ARHGEF9: variants seen among roughly 807,000 people sequenced by gnomAD.
The protein encoded by ARHGEF9 is rho guanine nucleotide exchange factor 9.
A neutral mutation model predicts 41.3 loss-of-function variants in ARHGEF9; 2 were observed. The observed-to-expected ratio is 0.05, with a 90% confidence interval of 0.02 to 0.15. The LOEUF is 0.15. ARHGEF9 is among the 10% of genes least tolerant of loss of function. The pLI is 1.00. For synonymous variants in ARHGEF9, 160 were observed against 154.4 expected (o/e 1.04, Z -0.27); for missense variants, 225 against 424.7 (o/e 0.53, Z 4.13).
intron 7 of ARHGEF9, among the ~76,000 whole-genome samples, chrX:63,658,626 G>C (rs1467821620): frequency 3.6e-5 from 4 of 111,809 alleles, no homozygotes; most frequent in African/African-American, 9.7e-5. Flanking sequence ...ACCAAATACA[G>C]CCCTGAGCTT....
At chrX:63,644,490 C>T (rs2047861164) in intron 8 of ARHGEF9, among the ~76,000 whole-genome samples, 1 of 110,158 alleles carries the variant, frequency 9.1e-6, no homozygotes, top group African/African-American at 3.3e-5. Context: ...AAAATAGTAA[C>T]AAATAAGTAA....
chrX:63,681,670 G>A (rs1489572808), intron 4 of ARHGEF9, among the ~76,000 whole-genome samples: 1 of 109,388 alleles, frequency 9.1e-6, no homozygotes, highest in Non-Finnish European at 1.9e-5. Flanking sequence ...CCACCTCAAG[G>A]AACTAGAAAA....
intron 1 of ARHGEF9, among the ~76,000 whole-genome samples, chrX:63,753,474 C>T (rs2055774961): frequency 9.0e-6 from 1 of 110,503 alleles, no homozygotes; most frequent in Admixed American, 9.6e-5. Flanking sequence ...CGAGATTATC[C>T]CAAAGGAGCC....
At chrX:63,779,325 C>G (rs1455813423) in intron 1 of ARHGEF9, among the ~76,000 whole-genome samples, 1 of 112,389 alleles carries the variant, frequency 8.9e-6, no homozygotes, top group Admixed American at 9.3e-5. Context: ...GTTTAATGGA[C>G]TCACAGTTCC....
At chrX:63,751,333 G>C (rs1169305127) in intron 1 of ARHGEF9, among the ~76,000 whole-genome samples, 1 of 111,244 alleles carries the variant, frequency 9.0e-6, no homozygotes, top group Non-Finnish European at 1.9e-5. Flanking sequence ...GGCAGAGGAG[G>C]AAGGAAAAAA....
chrX:63,687,800 G>C (rs1256422802), intron 4 of ARHGEF9, among the ~76,000 whole-genome samples: 1 of 109,584 alleles, frequency 9.1e-6, no homozygotes, highest in African/African-American at 3.3e-5. Flanking sequence ...AAGACTATTT[G>C]AAAATACACA....
At position 63,716,394 on chromosome X, in the gene ARHGEF9, T is replaced by C. The variant is rs782194937; in HGVS notation, c.210+8138A>G. On this transcript the variant is annotated intron_variant, in intron 2 of 9. Transcript: ENST00000671741. Reference sequence around the variant, plus strand: ...ATCTTTCAGGGGAGAAAAGTGAGATTTGGCAAAGGTAAAGAACTTGACTAA... The same window carrying C: ...ATCTTTCAGGGGAGAAAAGTGAGATCTGGCAAAGGTAAAGAACTTGACTAA... Among the ~76,000 whole-genome samples the C allele has an allele frequency of 3.6e-5, 4 of 111,311 alleles. No individual in the cohort carries two copies. In the South Asian group the frequency reaches 1.1e-3, roughly 32 times the overall value.
At chrX:63,761,705 C>T (rs1698846254) in intron 1 of ARHGEF9, among the ~76,000 whole-genome samples, 2 of 111,568 alleles carry the variant, frequency 1.8e-5, no homozygotes, top group Admixed American at 9.5e-5. Context: ...CCTAAACCAC[C>T]ACCCAGAAAC....
intron 8 of ARHGEF9, among the ~76,000 whole-genome samples, chrX:63,651,455 G>A (rs1350974937): frequency 9.0e-6 from 1 of 110,886 alleles, no homozygotes; most frequent in Non-Finnish European, 1.9e-5. Flanking sequence ...ATGAAAAATG[G>A]CATTTAAACT....
chrX:63,718,246 T>G (rs1447944550), intron 2 of ARHGEF9, among the ~76,000 whole-genome samples: 1 of 111,714 alleles, frequency 9.0e-6, no homozygotes, highest in African/African-American at 3.3e-5. Context: ...TGAGAAGATA[T>G]TAATAGCACT....
intron 1 of ARHGEF9, among the ~76,000 whole-genome samples, chrX:63,734,433 G>A (rs1160443182): frequency 8.9e-6 from 1 of 112,012 alleles, no homozygotes; most frequent in East Asian, 2.8e-4. Flanking sequence ...TTCTTAATGT[G>A]AGGTCCACAG....
intron 8 of ARHGEF9, among the ~76,000 whole-genome samples, chrX:63,650,180 T>C (rs1476840436): frequency 1.8e-5 from 2 of 111,550 alleles, no homozygotes; most frequent in African/African-American, 6.5e-5. Flanking sequence ...CTGCTGGGTA[T>C]GTATCCAAAA....
intron 1 of ARHGEF9, among the ~76,000 whole-genome samples, chrX:63,740,139 GC>G (rs781808901): frequency 6.3e-4 from 71 of 112,086 alleles, no homozygotes; most frequent in African/African-American, 1.2e-3. Context: ...TGCTCCTGAT[GC>G]CTCCCCTTCT....
At chrX:63,736,260 G>C (rs1198405757) in intron 1 of ARHGEF9, among the ~76,000 whole-genome samples, 1 of 112,007 alleles carries the variant, frequency 8.9e-6, no homozygotes, top group East Asian at 2.8e-4. Context: ...AGGAAAAGTG[G>C]TTGTGCTTGT....
At chrX:63,742,513 C>A (rs782256853) in intron 1 of ARHGEF9, among the ~76,000 whole-genome samples, 6 of 111,876 alleles carry the variant, frequency 5.4e-5, no homozygotes, top group Non-Finnish European at 9.4e-5. Flanking sequence ...TGTCATTCCA[C>A]ACTCATTTTC....
chrX:63,750,748 A>G (rs1320897483), intron 1 of ARHGEF9, among the ~76,000 whole-genome samples: 2 of 111,850 alleles, frequency 1.8e-5, no homozygotes, highest in African/African-American at 3.2e-5. Flanking sequence ...AAAATGGCAC[A>G]GTTAATCTTA....
chrX:63,755,156 A>C, intron 1 of ARHGEF9: 2 of 937,674 alleles, frequency 2.1e-6, no homozygotes, highest in Non-Finnish European at 2.6e-6. Context: ...CTTTTTATTC[A>C]CCGAGCGACT....
chrX:63,720,093 A>G (rs1427435348), intron 2 of ARHGEF9, among the ~76,000 whole-genome samples: 1 of 111,840 alleles, frequency 8.9e-6, no homozygotes, highest in Non-Finnish European at 1.9e-5. Context: ...CCATAGGCTT[A>G]TATTTCTGGA....
intron 6 of ARHGEF9, among the ~76,000 whole-genome samples, chrX:63,666,576 T>C (rs1556349187): frequency 9.2e-6 from 1 of 108,718 alleles, no homozygotes; most frequent in Non-Finnish European, 1.9e-5. Flanking sequence ...AGTCTCTTTC[T>C]AATACTTGAA....
Sources: allele counts gnomAD v4.1 joint callset (sites outside exome capture counted in the v4.1 genomes callset), GRCh38; gene constraint gnomAD v4.1.1; transcripts MANE v1.5; gene names NCBI Gene and HGNC (gene_info 2026-07-23, HGNC 2026-07-21).